The following HMGCLL1 variants were observed in gnomAD, a reference collection of about 807,000 sequenced individuals.
HMGCLL1 encodes 3-hydroxy-3-methylglutaryl-CoA lyase like 1.
Under a neutral mutation model 39.1 loss-of-function variants are expected in HMGCLL1, and 36 were observed. That is an observed-to-expected ratio of 0.92 (90% confidence interval 0.71 to 1.22). The LOEUF is 1.22. HMGCLL1 is among the 50% of genes most tolerant of loss of function. The pLI, the probability that HMGCLL1 is intolerant of heterozygous loss-of-function variation, is 0.00. For synonymous variants in HMGCLL1, 149 were observed against 144.0 expected (o/e 1.03, Z -0.25); for missense variants, 451 against 416.5 (o/e 1.08, Z -0.72).
At chr6:55,478,949 C>CA (rs1402265797) in intron 7 of HMGCLL1, among the ~76,000 whole-genome samples, 1 of 151,216 alleles carries the variant, frequency 6.6e-6, no homozygotes, top group East Asian at 1.9e-4. Flanking sequence ...TACCTAAATT[C>CA]AAAAAGGGAA....
chr6:55,596,911 T>C, the HMGCLL1 span, among the ~76,000 whole-genome samples: 2 of 152,064 alleles, frequency 1.3e-5, no homozygotes, highest in Non-Finnish European at 2.9e-5. Flanking sequence ...AAAATATATA[T>C]AGCCTGTAAC....
chr6:55,632,985 T>C, the HMGCLL1 span, among the ~76,000 whole-genome samples: 1 of 152,050 alleles, frequency 6.6e-6, no homozygotes, highest in Non-Finnish European at 1.5e-5. Context: ...CTGTCTTGAG[T>C]TCTGTTTGAC....
At chr6:55,527,468 C>T (rs1768383116) in intron 3 of HMGCLL1, among the ~76,000 whole-genome samples, 1 of 152,102 alleles carries the variant, frequency 6.6e-6, no homozygotes. Context: ...GGCCTTCTGA[C>T]CCTACTTCGA....
At chr6:55,649,510 T>G in the HMGCLL1 span, among the ~76,000 whole-genome samples, 7 of 152,098 alleles carry the variant, frequency 4.6e-5, no homozygotes, top group East Asian at 1.4e-3. Flanking sequence ...GATCCTTTCT[T>G]TATCATTCTT....
chr6:55,542,195 C>A, intron 1 of HMGCLL1, 55 bp from the exon 2 acceptor site: 1 of 1,207,160 alleles, frequency 8.3e-7, no homozygotes, highest in Non-Finnish European at 1.2e-6. Flanking sequence ...GTTACATTTG[C>A]TTATTTGAAA....
At chr6:55,628,586 T>C in the HMGCLL1 span, among the ~76,000 whole-genome samples, 1 of 151,868 alleles carries the variant, frequency 6.6e-6, no homozygotes, top group Non-Finnish European at 1.5e-5. Flanking sequence ...ATATGTTACG[T>C]CACTCTCTCC....
chr6:55,549,168 T>C (rs1257939233), intron 1 of HMGCLL1, among the ~76,000 whole-genome samples: 2 of 151,770 alleles, frequency 1.3e-5, no homozygotes, highest in African/African-American at 4.9e-5. Flanking sequence ...ATTATTGCTA[T>C]ATTGAAGGTT....
At chr6:55,637,748 G>GTA in the HMGCLL1 span, among the ~76,000 whole-genome samples, 1 of 150,572 alleles carries the variant, frequency 6.6e-6, no homozygotes, top group Non-Finnish European at 1.5e-5. Flanking sequence ...GTATGTGTCT[G>GTA]TGTGTGTCTG....
upstream of HMGCLL1, among the ~76,000 whole-genome samples, chr6:55,583,201 T>C (rs970714245): frequency 9.4e-4 from 143 of 152,010 alleles, no homozygotes; most frequent in African/African-American, 2.3e-3. Flanking sequence ...TTCTTTTTTT[T>C]ATTATTATTA....
At chr6:55,618,365 G>A in the HMGCLL1 span, among the ~76,000 whole-genome samples, 1 of 151,420 alleles carries the variant, frequency 6.6e-6, no homozygotes, top group African/African-American at 2.4e-5. Context: ...TTGAACAAAT[G>A]GTGGCCTATA....
the HMGCLL1 span, among the ~76,000 whole-genome samples, chr6:55,626,217 C>A: frequency 1.3e-5 from 2 of 152,162 alleles, no homozygotes; most frequent in African/African-American, 2.4e-5. Flanking sequence ...GGAATAGACA[C>A]TCCAGATATG....
At chr6:55,487,346 T>C (rs1766084858) in intron 7 of HMGCLL1, among the ~76,000 whole-genome samples, 1 of 152,080 alleles carries the variant, frequency 6.6e-6, no homozygotes, top group Non-Finnish European at 1.5e-5. Context: ...GTGCAGAATG[T>C]GCAGTTTTGT....
the HMGCLL1 span, among the ~76,000 whole-genome samples, chr6:55,667,417 T>C: frequency 6.6e-6 from 1 of 151,806 alleles, no homozygotes; most frequent in Non-Finnish European, 1.5e-5. Flanking sequence ...TCTATAGGAT[T>C]GGAACGGATA....
chr6:55,666,363 C>T, the HMGCLL1 span, among the ~76,000 whole-genome samples: 2 of 151,666 alleles, frequency 1.3e-5, no homozygotes, highest in African/African-American at 2.4e-5. Flanking sequence ...TTCTTATCCA[C>T]TCAAAGTTTC....
chr6:55,626,447 CT>C, the HMGCLL1 span, among the ~76,000 whole-genome samples: 1 of 152,064 alleles, frequency 6.6e-6, no homozygotes, highest in Non-Finnish European at 1.5e-5. Flanking sequence ...TGTGGAATGG[CT>C]TTTTGAAGTC....
intron 8 of HMGCLL1, 141 bp downstream of exon 8, chr6:55,439,293 G>T: frequency 1.4e-6 from 1 of 729,738 alleles, no homozygotes; most frequent in Admixed American, 2.8e-5. Context: ...AATTTTTATT[G>T]CATTTTCCCA....
At chr6:55,589,725 T>C in the HMGCLL1 span, among the ~76,000 whole-genome samples, 1 of 150,290 alleles carries the variant, frequency 6.7e-6, no homozygotes, top group Non-Finnish European at 1.5e-5. Flanking sequence ...AAAATCAATG[T>C]GCAAAAATCA....
chr6:55,545,666 T>C (rs899034256), intron 1 of HMGCLL1, among the ~76,000 whole-genome samples: 6 of 152,110 alleles, frequency 3.9e-5, no homozygotes, highest in Non-Finnish European at 5.9e-5. Flanking sequence ...TACTGGGGAA[T>C]ATCTGGGGAG....
intron 1 of HMGCLL1, among the ~76,000 whole-genome samples, chr6:55,549,373 A>AGAGTGTGT (rs144469471): frequency 6.9e-6 from 1 of 145,416 alleles, no homozygotes; most frequent in Non-Finnish European, 1.5e-5. Context: ...CAAATACAGA[A>AGAGTGTGT]GTGTGTGTGT....
Sources: gnomAD v4.1 joint callset for allele counts (sites outside exome capture counted in the v4.1 genomes callset) on GRCh38, gnomAD v4.1.1 for gene constraint, MANE v1.5 for transcripts, NCBI Gene and HGNC (gene_info 2026-07-23, HGNC 2026-07-21) for gene names.